The following FBXO42 variants were observed in gnomAD, a reference collection of about 807,000 sequenced individuals.
FBXO42 encodes the protein F-box only protein 42.
In FBXO42, 12 loss-of-function variants were observed where a neutral mutation model predicts 71.7. The ratio of observed to expected loss-of-function variants is 0.17; its 90% CI spans 0.11 to 0.27. FBXO42 has a LOEUF of 0.27. Ranked by LOEUF, FBXO42 falls within the 10% of genes least tolerant of loss-of-function variation. The pLI is 1.00. For synonymous variants in FBXO42, 325 were observed against 327.5 expected (o/e 0.99, Z 0.08); for missense variants, 707 against 911.9 (o/e 0.78, Z 2.89).
chr1:16,347,045 T>C (rs2082659758), intron 1 of FBXO42, among the ~76,000 whole-genome samples: 1 of 151,880 alleles, frequency 6.6e-6, no homozygotes, highest in South Asian at 2.1e-4. Context: ...GCACCCGGCC[T>C]GTCAGAATAG....
chr1:16,274,677 C>T (rs138180361), intron 4 of FBXO42, among the ~76,000 whole-genome samples: 12,189 of 146,400 alleles, frequency 0.083, 677 homozygotes, highest in Non-Finnish European at 0.12. Flanking sequence ...CTGCAACCTC[C>T]GCCTCCTGGG....
intron 1 of FBXO42, among the ~76,000 whole-genome samples, chr1:16,323,157 G>A (rs931168070): frequency 2.6e-5 from 4 of 152,158 alleles, no homozygotes; most frequent in African/African-American, 9.7e-5. Flanking sequence ...AGTGGCTCAC[G>A]CCTGTAATCC....
At chr1:16,350,756 A>AGACAG (rs1557612351) in intron 1 of FBXO42, among the ~76,000 whole-genome samples, 1 of 128,394 alleles carries the variant, frequency 7.8e-6, no homozygotes, top group Non-Finnish European at 1.7e-5. Flanking sequence ...AAAAAAAAAA[A>AGACAG]AAAAGAAAGA....
At chr1:16,290,008 C>T (rs368982884) in intron 4 of FBXO42, among the ~76,000 whole-genome samples, 4 of 152,102 alleles carry the variant, frequency 2.6e-5, no homozygotes, top group East Asian at 1.9e-4. Flanking sequence ...GTTTCTTTCC[C>T]GTTACAATAT....
chr1:16,298,553 A>G (rs1469186762), intron 3 of FBXO42, among the ~76,000 whole-genome samples: 8 of 152,166 alleles, frequency 5.3e-5, no homozygotes, highest in Non-Finnish European at 1.0e-4. Context: ...TCTGTCACCC[A>G]GGCTGGAGTG....
At chr1:16,351,562 C>T (rs931956003) in intron 1 of FBXO42, among the ~76,000 whole-genome samples, 5 of 152,138 alleles carry the variant, frequency 3.3e-5, no homozygotes, top group African/African-American at 1.2e-4. Context: ...ACGAACTCAG[C>T]GCTGAAGTTA....
At chr1:16,323,643 A>G (rs2082425882) in intron 1 of FBXO42, among the ~76,000 whole-genome samples, 1 of 151,392 alleles carries the variant, frequency 6.6e-6, no homozygotes, top group Non-Finnish European at 1.5e-5. Flanking sequence ...AACAAAAATT[A>G]GCCAGGCGTG....
intron 1 of FBXO42, among the ~76,000 whole-genome samples, chr1:16,346,704 A>C (rs1387924578): frequency 1.3e-5 from 2 of 151,316 alleles, no homozygotes; most frequent in Non-Finnish European, 2.9e-5. Flanking sequence ...AAAAAAAAAA[A>C]AACAAGAGAA....
chr1:16,285,360 G>A (rs933246780), intron 4 of FBXO42, among the ~76,000 whole-genome samples: 9 of 151,596 alleles, frequency 5.9e-5, no homozygotes, highest in Non-Finnish European at 1.3e-4. Context: ...TGCAACCTCC[G>A]CCTCCTGGGT....
At chr1:16,342,290 G>GT (rs2082611884) in intron 1 of FBXO42, among the ~76,000 whole-genome samples, 1 of 151,502 alleles carries the variant, frequency 6.6e-6, no homozygotes, top group African/African-American at 2.4e-5. Flanking sequence ...CAGCTACTCA[G>GT]GAGGCTGAGG....
chr1:16,319,983 G>A (rs546900071), intron 1 of FBXO42, among the ~76,000 whole-genome samples: 3 of 151,906 alleles, frequency 2.0e-5, no homozygotes, highest in East Asian at 3.9e-4. Flanking sequence ...ACGTGGGTAA[G>A]GTGTTTTTCA....
chr1:16,331,495 C>A (rs2082500312), intron 1 of FBXO42, among the ~76,000 whole-genome samples: 1 of 151,682 alleles, frequency 6.6e-6, no homozygotes, highest in Non-Finnish European at 1.5e-5. Context: ...TGGCTCATGC[C>A]TGTAATCCCA....
At chr1:16,338,331 G>A (rs1188635815) in intron 1 of FBXO42, among the ~76,000 whole-genome samples, 7 of 136,466 alleles carry the variant, frequency 5.1e-5, no homozygotes, top group Middle Eastern at 4.7e-3. Context: ...TGTAGCCTGA[G>A]GAACAGAGTA....
At chr1:16,270,707 G>C (rs200039642) in intron 4 of FBXO42, among the ~76,000 whole-genome samples, 1 of 6,324 alleles carries the variant, frequency 1.6e-4, no homozygotes, top group African/African-American at 7.5e-4. Flanking sequence ...GAAAAGAAAA[G>C]AAAGAAGAAA....
intron 1 of FBXO42, among the ~76,000 whole-genome samples, chr1:16,318,159 C>G (rs550811493): frequency 3.3e-5 from 5 of 152,224 alleles, no homozygotes; most frequent in African/African-American, 1.2e-4. Flanking sequence ...GTGGCTCATG[C>G]TGTAATCCCA....
At chr1:16,274,825 C>T (rs61769826) in intron 4 of FBXO42, among the ~76,000 whole-genome samples, 12,352 of 151,540 alleles carry the variant, frequency 0.082, 681 homozygotes, top group Non-Finnish European at 0.12. Flanking sequence ...CTCCTGATCT[C>T]GTAATCTGCC....
intron 4 of FBXO42, among the ~76,000 whole-genome samples, chr1:16,270,899 G>A (rs1378244738): frequency 6.6e-6 from 1 of 151,700 alleles, no homozygotes; most frequent in Non-Finnish European, 1.5e-5. Flanking sequence ...AGCTTGCTGA[G>A]GGGAAGAAAG....
chr1:16,305,215 T>C (rs2082236751), intron 3 of FBXO42, among the ~76,000 whole-genome samples: 1 of 150,952 alleles, frequency 6.6e-6, no homozygotes, highest in South Asian at 2.1e-4. Flanking sequence ...TGAGACCCCA[T>C]CTCTACAAAT....
At chr1:16,345,413 A>G (rs974855923) in intron 1 of FBXO42, among the ~76,000 whole-genome samples, 3 of 151,812 alleles carry the variant, frequency 2.0e-5, no homozygotes, top group Admixed American at 1.3e-4. Flanking sequence ...ATGGAGCGAG[A>G]CTCTGTCTTA....
Sources: allele counts gnomAD v4.1 joint callset (sites outside exome capture counted in the v4.1 genomes callset), GRCh38; gene constraint gnomAD v4.1.1; transcripts MANE v1.5; gene names NCBI Gene and HGNC (gene_info 2026-07-23, HGNC 2026-07-21).